The following CCNY variants were observed in gnomAD, a reference collection of about 807,000 sequenced individuals.
CCNY encodes cyclin Y, also known as cyclin-Y.
In CCNY, 19 loss-of-function variants were observed where a neutral mutation model predicts 42.8. The observed-to-expected ratio is 0.44, with a 90% CI of 0.31 to 0.65. The LOEUF (loss-of-function observed/expected upper bound fraction) is 0.65, where lower values mean the gene tolerates loss of function less well. Ranked by LOEUF, CCNY falls within the 30% of genes least tolerant of loss-of-function variation. CCNY has a pLI of 0.07. For missense variants in CCNY, 370 were observed against 437.3 expected, an observed-to-expected ratio of 0.85 and a Z score of 1.37; for synonymous variants, 165 against 162.7, an observed-to-expected ratio of 1.01 and a Z score of -0.11.
At chr10:35,295,394 G>A (rs888709018) in intron 3 of CCNY, among the ~76,000 whole-genome samples, 1 of 151,736 alleles carries the variant, frequency 6.6e-6, no homozygotes, top group Non-Finnish European at 1.5e-5. Context: ...ACCACGCCTG[G>A]CTAATTTTGT....
intron 1 of CCNY, among the ~76,000 whole-genome samples, chr10:35,358,269 T>C (rs1295194438): frequency 2.0e-5 from 3 of 151,202 alleles, no homozygotes; most frequent in Non-Finnish European, 2.9e-5. Flanking sequence ...CTGTGAAATC[T>C]AAGAGGAGCA....
At chr10:35,478,840 G>C (rs959380369) in intron 1 of CCNY, among the ~76,000 whole-genome samples, 1 of 152,168 alleles carries the variant, frequency 6.6e-6, no homozygotes, top group Non-Finnish European at 1.5e-5. Context: ...ACTACCATCA[G>C]AGTGAACAGG....
At chr10:35,499,917 A>G (rs1840077112) in intron 2 of CCNY, among the ~76,000 whole-genome samples, 1 of 152,250 alleles carries the variant, frequency 6.6e-6, no homozygotes, top group South Asian at 2.1e-4. Flanking sequence ...AATTTAATTC[A>G]CACATGTGCA....
At chr10:35,495,450 T>C (rs1839985921) in intron 2 of CCNY, among the ~76,000 whole-genome samples, 1 of 152,250 alleles carries the variant, frequency 6.6e-6, no homozygotes, top group Non-Finnish European at 1.5e-5. Context: ...TGTTCTTCCT[T>C]CGTCTACTTC....
At chr10:35,314,369 C>G (rs970621868) in intron 3 of CCNY, among the ~76,000 whole-genome samples, 2 of 151,966 alleles carry the variant, frequency 1.3e-5, no homozygotes, top group African/African-American at 2.4e-5. Context: ...AAGGGGAAAC[C>G]CCTTATCAAA....
At chr10:35,331,436 T>C (rs896739142) in intron 3 of CCNY, among the ~76,000 whole-genome samples, 9 of 152,240 alleles carry the variant, frequency 5.9e-5, no homozygotes, top group African/African-American at 2.2e-4. Context: ...GAACTTGCAG[T>C]GGTGAGGTAG....
At chr10:35,484,484 G>A (rs190471561) in intron 2 of CCNY, among the ~76,000 whole-genome samples, 6 of 152,254 alleles carry the variant, frequency 3.9e-5, no homozygotes, top group African/African-American at 9.6e-5. Flanking sequence ...GAATAAATTA[G>A]TATAGGCATC....
chr10:35,347,455 C>T (rs951019160), intron 1 of CCNY: 1 of 981,262 alleles, frequency 1.0e-6, no homozygotes, highest in Non-Finnish European at 1.2e-6. Flanking sequence ...AAATACTCTG[C>T]ATGGGAGTTC....
At chr10:35,375,591 A>G (rs1378627105) in intron 1 of CCNY, among the ~76,000 whole-genome samples, 1 of 152,222 alleles carries the variant, frequency 6.6e-6, no homozygotes, top group African/African-American at 2.4e-5. Context: ...TTTGTGGGGT[A>G]CTGAAGTTCA....
chr10:35,518,815 A>G (rs1165523869), intron 4 of CCNY, among the ~76,000 whole-genome samples: 1 of 132,424 alleles, frequency 7.6e-6, no homozygotes, highest in Non-Finnish European at 1.6e-5. Context: ...TGGATTTTTA[A>G]CAGATCTTGA....
chr10:35,362,608 T>G (rs1836710217), intron 1 of CCNY, among the ~76,000 whole-genome samples: 1 of 152,138 alleles, frequency 6.6e-6, no homozygotes. Flanking sequence ...AATTTAAAAC[T>G]TTTAATTAAA....
chr10:35,267,141 T>C (rs1161412682), intron 3 of CCNY, among the ~76,000 whole-genome samples: 1 of 151,580 alleles, frequency 6.6e-6, no homozygotes, highest in Non-Finnish European at 1.5e-5. Flanking sequence ...AACAGCTCTT[T>C]CCATAAGAGA....
chr10:35,560,618 A>T, intron 8 of CCNY, among the ~76,000 whole-genome samples: 1 of 152,192 alleles, frequency 6.6e-6, no homozygotes, highest in East Asian at 1.9e-4. Flanking sequence ...TTTTCATTAC[A>T]GCAGCTCTTG....
At chr10:35,262,718 C>A (rs1241741547) in intron 3 of CCNY, among the ~76,000 whole-genome samples, 2 of 152,038 alleles carry the variant, frequency 1.3e-5, no homozygotes, top group Admixed American at 6.6e-5. Context: ...ACTGGGGAGT[C>A]TAAAAGTTTG....
chr10:35,292,971 G>C (rs1264253716), intron 3 of CCNY, among the ~76,000 whole-genome samples: 2 of 151,282 alleles, frequency 1.3e-5, no homozygotes, highest in African/African-American at 2.4e-5. Flanking sequence ...TTAAAGACAG[G>C]GTTTCACCAT....
intron 3 of CCNY, among the ~76,000 whole-genome samples, chr10:35,514,589 G>A (rs994134190): frequency 1.3e-5 from 2 of 152,270 alleles, no homozygotes; most frequent in South Asian, 2.1e-4. Context: ...CCATGACCCC[G>A]TGCATCACTC....
At chr10:35,343,555 A>C (rs1296147149) in intron 1 of CCNY, among the ~76,000 whole-genome samples, 1 of 151,756 alleles carries the variant, frequency 6.6e-6, no homozygotes, top group Non-Finnish European at 1.5e-5. Context: ...ACGTCCGGCT[A>C]ATTTTTGTAC....
At chr10:35,534,231 G>A (rs1461802910) in intron 7 of CCNY, among the ~76,000 whole-genome samples, 1 of 152,100 alleles carries the variant, frequency 6.6e-6, no homozygotes, top group Non-Finnish European at 1.5e-5. Context: ...TCACCATGTT[G>A]GCCAGGCTGG....
intron 1 of CCNY, among the ~76,000 whole-genome samples, chr10:35,367,307 A>G (rs1371174312): frequency 6.6e-6 from 1 of 152,082 alleles, no homozygotes; most frequent in Non-Finnish European, 1.5e-5. Flanking sequence ...TCTATTTTGT[A>G]GTGTTCCACC....
Sources: allele counts gnomAD v4.1 joint callset (sites outside exome capture counted in the v4.1 genomes callset), GRCh38; gene constraint gnomAD v4.1.1; transcripts MANE v1.5; gene names NCBI Gene and HGNC (gene_info 2026-07-23, HGNC 2026-07-21).